The following VSIG1 variants were observed in gnomAD, a reference collection of about 807,000 sequenced individuals.
VSIG1 encodes the protein V-set and immunoglobulin domain-containing protein 1.
A neutral mutation model predicts 20.1 loss-of-function variants in VSIG1; 11 were observed. The observed-to-expected ratio is 0.55, with a 90% CI of 0.34 to 0.91. VSIG1 has a LOEUF of 0.91. Among genes scored for constraint, VSIG1 ranks in the 40% least tolerant of loss-of-function variants. The pLI is 0.02. For synonymous variants in VSIG1, 126 were observed against 116.7 expected (o/e 1.08, Z -0.52); for missense variants, 283 against 298.8 (o/e 0.95, Z 0.39).
chrX:108,061,443 A>G, intron 2 of VSIG1: 1 of 1,166,141 alleles, frequency 8.6e-7, no homozygotes, highest in Non-Finnish European at 1.1e-6. Context: ...CTCGTGCCTC[A>G]GTACTGAGGG....
At chrX:108,040,626 C>T, upstream of VSIG1, among the ~76,000 whole-genome samples, 1 of 111,190 alleles carries the variant, frequency 9.0e-6, no homozygotes, top group East Asian at 2.8e-4. Flanking sequence ...GCACCATTGT[C>T]AATAATATTG....
intron 1 of VSIG1, among the ~76,000 whole-genome samples, chrX:108,056,701 C>A (rs745682297): frequency 8.9e-6 from 1 of 112,524 alleles, no homozygotes; most frequent in Admixed American, 9.4e-5. Flanking sequence ...TCATACCTGC[C>A]AGAATGGCTA....
chrX:108,026,639 T>G, the VSIG1 span, among the ~76,000 whole-genome samples: 1 of 111,461 alleles, frequency 9.0e-6, no homozygotes, highest in Non-Finnish European at 1.9e-5. Context: ...CAGCTGGTTA[T>G]GCTAACTTGA....
chrX:108,021,748 T>TA, the VSIG1 span, among the ~76,000 whole-genome samples: 1 of 112,071 alleles, frequency 8.9e-6, no homozygotes, highest in Non-Finnish European at 1.9e-5. Context: ...GAAATAGGAG[T>TA]AAAAAAATTA....
rs1274181469 is a variant in VSIG1, at chrX:108,047,788, CTCTA to C, written c.49+2611_49+2614del. ...ATTCTCTCTCTCTCTCTCTCTCTCT[CTCTA>C]TATATATATATATATACATATATAT... On this transcript the variant is annotated intron_variant, in intron 1 of 6. Coordinates refer to ENST00000217957, the MANE Select transcript of VSIG1 (RefSeq NM_182607.5). Among the ~76,000 whole-genome samples, 71 of 56,593 alleles carry C rather than the reference CTCTA, an allele frequency of 1.3e-3. 4 individuals are homozygous for C. Among genetic ancestry groups the C allele is most frequent in the Admixed American group, 3.7e-3 (19 of 5,127 alleles). 49.1% of individuals were successfully genotyped at this position (56,593 alleles called of 115,157 possible). A position where few individuals can be genotyped will look rare whatever the true frequency, so the allele number is the denominator to read the frequency against.
rs995070342 is a variant in VSIG1, at chrX:108,064,698, C to G, written c.214-2238C>G. The G allele has an allele frequency of 6.7e-6, 5 of 741,671 alleles. No individual in the cohort carries two copies. In the African/African-American group the frequency reaches 1.2e-4, roughly 17 times the overall value. The allele number at this position is 741,671 out of a possible 1,213,427, so 61.1% of individuals were successfully genotyped here. On this transcript the variant is annotated intron_variant, in intron 2 of 6. Transcript: ENST00000217957. The stretch of plus-strand genomic sequence containing the variant: ...AGTATAAAACAGGGCTGATGTTTTA[C>G]ACTGTCCACAGTCTCCTTGGGAGGA...
chrX:108,024,388 A>G, the VSIG1 span, among the ~76,000 whole-genome samples: 1 of 109,881 alleles, frequency 9.1e-6, no homozygotes, highest in Admixed American at 9.7e-5. Context: ...CTTTTAAAAA[A>G]CTGACTTTTC....
intron 2 of VSIG1, among the ~76,000 whole-genome samples, chrX:108,064,079 G>A (rs756084213): frequency 8.9e-6 from 1 of 112,480 alleles, no homozygotes; most frequent in African/African-American, 3.2e-5. Flanking sequence ...GTGGAATCAA[G>A]TTGTAGCCCT....
intron 1 of VSIG1, among the ~76,000 whole-genome samples, chrX:108,057,420 A>G (rs185592839): frequency 5.3e-5 from 6 of 112,239 alleles, no homozygotes; most frequent in African/African-American, 1.9e-4. Context: ...GAGAAATATG[A>G]ATAAGGTCGA....
At chrX:108,064,344 G>C (rs1401667901) in intron 2 of VSIG1, among the ~76,000 whole-genome samples, 3 of 111,538 alleles carry the variant, frequency 2.7e-5, no homozygotes, top group African/African-American at 6.5e-5. Context: ...AATCGTGAGA[G>C]GGCAAAATGT....
At chrX:108,041,815 G>A (rs112920797), upstream of VSIG1, among the ~76,000 whole-genome samples, 1,412 of 106,848 alleles carry the variant, frequency 0.013, 29 homozygotes, top group African/African-American at 0.046. Flanking sequence ...AAGTTCCCAA[G>A]GAAGAATACT....
At chrX:108,059,433 A>C (rs781690003) in intron 2 of VSIG1, among the ~76,000 whole-genome samples, 1 of 112,033 alleles carries the variant, frequency 8.9e-6, no homozygotes, top group South Asian at 3.7e-4. Context: ...TTTGCTCAAT[A>C]CTGGTTACCT....
In VSIG1 at chrX:108,077,664, C is replaced by A. The variant is rs2031378206; in HGVS notation, c.*283C>A. On this transcript the variant is annotated 3_prime_UTR_variant, in exon 7 of 7. Transcript: ENST00000217957. Reference sequence around the variant, plus strand: ...AACTTAGTTGAGTTTTGCAACAGTACCTGTGTTGTTATTTCAGAAAATATT... The same window carrying A: ...AACTTAGTTGAGTTTTGCAACAGTAACTGTGTTGTTATTTCAGAAAATATT... The A allele has an allele frequency of 1.3e-5, 4 of 310,597 alleles. No individual in the cohort carries two copies. Among genetic ancestry groups the A allele is most frequent in the Non-Finnish European group, 2.2e-5 (4 of 179,088 alleles). 25.6% of individuals were successfully genotyped at this position (310,597 alleles called of 1,213,427 possible).
At chrX:108,047,957 C>T (rs868399184) in intron 1 of VSIG1, among the ~76,000 whole-genome samples, 3,138 of 25,421 alleles carry the variant, frequency 0.12, 547 homozygotes, top group Non-Finnish European at 0.16. Flanking sequence ...TATATATACA[C>T]ACACATATAT....
chrX:108,059,206 C>T (rs1197760907), intron 2 of VSIG1, among the ~76,000 whole-genome samples: 4 of 110,787 alleles, frequency 3.6e-5, no homozygotes, highest in Non-Finnish European at 7.6e-5. Flanking sequence ...AGAGGGAGAG[C>T]AAGTTGAGGA....
intron 1 of VSIG1, among the ~76,000 whole-genome samples, chrX:108,056,780 G>A (rs1416962956): frequency 8.9e-6 from 1 of 112,453 alleles, no homozygotes; most frequent in Non-Finnish European, 1.9e-5. Context: ...TTATTTGGTG[G>A]TGGTGAGGGG....
chrX:108,020,427 C>G, the VSIG1 span, among the ~76,000 whole-genome samples: 1 of 112,077 alleles, frequency 8.9e-6, no homozygotes, highest in Non-Finnish European at 1.9e-5. Context: ...TTGGAGATCA[C>G]TGAGTTTCCT....
At chrX:108,030,745 A>G in the VSIG1 span, among the ~76,000 whole-genome samples, 1 of 111,429 alleles carries the variant, frequency 9.0e-6, no homozygotes, top group East Asian at 2.8e-4. Context: ...CAAAACTTCC[A>G]GTTGGAATGG....
chrX:108,028,646 T>C, the VSIG1 span, among the ~76,000 whole-genome samples: 1 of 111,143 alleles, frequency 9.0e-6, no homozygotes, highest in African/African-American at 3.3e-5. Context: ...CATGAGAGAC[T>C]GAGAGATCAA....
Sources: allele counts gnomAD v4.1 joint callset (sites outside exome capture counted in the v4.1 genomes callset), GRCh38; gene constraint gnomAD v4.1.1; transcripts MANE v1.5; gene names NCBI Gene and HGNC (gene_info 2026-07-23, HGNC 2026-07-21).